Variants in KIAA1328 observed in about 807,000 individuals in gnomAD.
The protein encoded by KIAA1328 is KIAA1328.
KIAA1328 carries 52 observed loss-of-function variants against 68.1 expected under a neutral mutation model. The ratio of observed to expected loss-of-function variants is 0.76; its 90% CI spans 0.61 to 0.96. The LOEUF (loss-of-function observed/expected upper bound fraction) is 0.96. Ranked by LOEUF, KIAA1328 falls within the 40% of genes least tolerant of loss-of-function variation. KIAA1328 has a pLI of 0.00. For missense variants in KIAA1328, 641 were observed against 677.6 expected (o/e 0.95, Z 0.60); for synonymous variants, 232 against 239.4 (o/e 0.97, Z 0.28).
chr18:36,924,803 A>G (rs1056482163), intron 5 of KIAA1328: 2 of 152,202 alleles, frequency 1.3e-5, no homozygotes, highest in Admixed American at 1.3e-4. Context: ...AAAAAAAAAT[A>G]AAGAGTGGTT....
chr18:37,163,827 A>G (rs976565953), intron 8 of KIAA1328, among the ~76,000 whole-genome samples: 6 of 152,220 alleles, frequency 3.9e-5, no homozygotes, highest in Non-Finnish European at 7.3e-5. Flanking sequence ...CCATAAGGGT[A>G]CCTTAAGATA....
At chr18:37,198,118 A>G (rs1425938181) in intron 9 of KIAA1328, among the ~76,000 whole-genome samples, 1 of 152,148 alleles carries the variant, frequency 6.6e-6, no homozygotes, top group East Asian at 1.9e-4. Flanking sequence ...ATTTATATGA[A>G]ATGTCCAGGC....
chr18:37,079,817 G>T (rs2056885777), intron 7 of KIAA1328, among the ~76,000 whole-genome samples: 1 of 151,186 alleles, frequency 6.6e-6, no homozygotes, highest in Non-Finnish European at 1.5e-5. Flanking sequence ...AGTGCGGGAG[G>T]TGGAGGTTGC....
intron 5 of KIAA1328, among the ~76,000 whole-genome samples, chr18:36,896,856 A>G (rs981104552): frequency 6.6e-6 from 1 of 152,142 alleles, no homozygotes; most frequent in Admixed American, 6.6e-5. Context: ...TGTTTGCCAT[A>G]CCACAGCTTG....
In KIAA1328 at chr18:37,223,920, T is replaced by G; in HGVS notation, c.*1693T>G. Reference sequence around the variant, plus strand: ...TAAAGTCAAGACTAACTAGTTATAATCATTCCCTTAAAAAGTTGGAAAATC... The same window carrying G: ...TAAAGTCAAGACTAACTAGTTATAAGCATTCCCTTAAAAAGTTGGAAAATC... On this transcript the variant is annotated 3_prime_UTR_variant, in exon 10 of 10. Coordinates refer to ENST00000280020, the MANE Select transcript of KIAA1328 (RefSeq NM_020776.3). The G allele has an allele frequency of 1.0e-6, 1 of 983,456 alleles. No individual in the cohort carries two copies. The highest frequency in any genetic ancestry group is 1.2e-6 in the Non-Finnish European group (1 of 828,164). 60.9% of individuals were successfully genotyped at this position (983,456 alleles called of 1,614,324 possible).
At chr18:37,120,626 C>A (rs1007373990) in intron 7 of KIAA1328, among the ~76,000 whole-genome samples, 1 of 152,054 alleles carries the variant, frequency 6.6e-6, no homozygotes, top group African/African-American at 2.4e-5. Context: ...TCCAGAGAAC[C>A]AGCCCAGAAA....
At chr18:37,152,449 G>A (rs570419901) in intron 7 of KIAA1328, among the ~76,000 whole-genome samples, 2 of 152,250 alleles carry the variant, frequency 1.3e-5, no homozygotes, top group Admixed American at 1.3e-4. Context: ...CTAGTAGAAG[G>A]CGAGCAGGGT....
intron 6 of KIAA1328, among the ~76,000 whole-genome samples, chr18:36,969,146 A>G (rs8098985): frequency 0.73 from 111,351 of 152,038 alleles, 43,922 homozygotes; most frequent in South Asian, 0.89. Flanking sequence ...GCAGTGTTAA[A>G]AGGGAAATTT....
intron 9 of KIAA1328, among the ~76,000 whole-genome samples, chr18:37,213,391 A>G (rs1174207657): frequency 2.6e-5 from 4 of 152,170 alleles, no homozygotes; most frequent in Non-Finnish European, 4.4e-5. Context: ...GAGTGAGAAT[A>G]TGCGGTGTTT....
chr18:37,192,896 G>A (rs1213996159), intron 9 of KIAA1328, among the ~76,000 whole-genome samples: 1 of 152,134 alleles, frequency 6.6e-6, no homozygotes, highest in African/African-American at 2.4e-5. Flanking sequence ...AAATATATCT[G>A]TAGCTTTGTC....
At chr18:37,008,804 G>C (rs1310088283) in intron 6 of KIAA1328, among the ~76,000 whole-genome samples, 1 of 152,074 alleles carries the variant, frequency 6.6e-6, no homozygotes, top group Non-Finnish European at 1.5e-5. Flanking sequence ...AGTAACAAAG[G>C]AAAGAGTCAG....
At chr18:36,928,401 A>T (rs1009123194) in intron 5 of KIAA1328, among the ~76,000 whole-genome samples, 1 of 152,100 alleles carries the variant, frequency 6.6e-6, no homozygotes, top group Non-Finnish European at 1.5e-5. Flanking sequence ...ACTTTATTGT[A>T]TCTCAGTTTT....
At chr18:36,980,754 G>T (rs1474716117) in intron 6 of KIAA1328, among the ~76,000 whole-genome samples, 1 of 152,112 alleles carries the variant, frequency 6.6e-6, no homozygotes, top group African/African-American at 2.4e-5. Context: ...TATGGGGGCT[G>T]GTCTTTCCCA....
intron 9 of KIAA1328, among the ~76,000 whole-genome samples, chr18:37,215,866 T>G (rs2060420703): frequency 6.6e-6 from 1 of 152,180 alleles, no homozygotes; most frequent in Admixed American, 6.5e-5. Flanking sequence ...TTCTTCCTGG[T>G]TTAGTCTTGG....
At chr18:36,860,037 T>G (rs938021976) in intron 4 of KIAA1328, among the ~76,000 whole-genome samples, 4 of 152,056 alleles carry the variant, frequency 2.6e-5, no homozygotes, top group Non-Finnish European at 5.9e-5. Flanking sequence ...TCTTTAATTT[T>G]TGACATGTTT....
chr18:37,164,175 T>A (rs542731315), intron 8 of KIAA1328, among the ~76,000 whole-genome samples: 34 of 152,358 alleles, frequency 2.2e-4, no homozygotes, highest in Middle Eastern at 3.4e-3. Flanking sequence ...ATATGTTCAC[T>A]GTTGTATCCC....
chr18:36,871,087 A>G (rs1227024681), intron 4 of KIAA1328, among the ~76,000 whole-genome samples: 6 of 152,200 alleles, frequency 3.9e-5, no homozygotes, highest in Admixed American at 3.9e-4. Context: ...CTTCAACCTT[A>G]GCTCTCAATT....
chr18:37,206,439 A>G (rs912575480), intron 9 of KIAA1328, among the ~76,000 whole-genome samples: 1 of 152,274 alleles, frequency 6.6e-6, no homozygotes, highest in East Asian at 1.9e-4. Context: ...CAGAAATGCA[A>G]AAAGCCCCCT....
intron 5 of KIAA1328, among the ~76,000 whole-genome samples, chr18:36,936,553 T>C (rs1252741142): frequency 6.6e-6 from 1 of 152,342 alleles, no homozygotes; most frequent in East Asian, 1.9e-4. Flanking sequence ...TTTGCTATTG[T>C]AAATAGTGCT....
Sources: allele counts gnomAD v4.1 joint callset (sites outside exome capture counted in the v4.1 genomes callset), GRCh38; gene constraint gnomAD v4.1.1; transcripts MANE v1.5; gene names NCBI Gene and HGNC (gene_info 2026-07-23, HGNC 2026-07-21).